Variants in ADGRG4 observed in about 807,000 individuals in gnomAD.
The protein encoded by ADGRG4 is G protein-coupled receptor 112.
ADGRG4 carries 122 observed loss-of-function variants against 126.2 expected under a neutral mutation model. The ratio of observed to expected loss-of-function variants is 0.97; its 90% CI spans 0.83 to 1.12. The LOEUF (loss-of-function observed/expected upper bound fraction) is 1.12. Ranked by LOEUF, ADGRG4 falls within the 50% of genes most tolerant of loss-of-function variation. The probability of loss-of-function intolerance (pLI) is 0.00; values close to 1 mark genes in which losing one functional copy is unlikely to be tolerated. For synonymous variants in ADGRG4, 943 were observed against 838.7 expected, an observed-to-expected ratio of 1.12 and a Z score of -2.15; for missense variants, 2,481 against 2,251.8, an observed-to-expected ratio of 1.10 and a Z score of -2.06.
chrX:136,315,029 G>C (rs748529281), intron 4 of ADGRG4, among the ~76,000 whole-genome samples: 1 of 111,473 alleles, frequency 9.0e-6, no homozygotes. Context: ...AGCAGCCTAG[G>C]TACTAGAGGA....
intron 15 of ADGRG4, among the ~76,000 whole-genome samples, chrX:136,383,547 G>A (rs1289879150): frequency 8.9e-6 from 1 of 111,737 alleles, no homozygotes; most frequent in African/African-American, 3.2e-5. Flanking sequence ...TATTTAAAGT[G>A]TACCTCTTGT....
At position 136,348,037 on chromosome X, in the gene ADGRG4, C is replaced by T. The variant is rs773652838; in HGVS notation, c.4331C>T (p.Thr1444Ile). The T allele has an allele frequency of 8.3e-7, 1 of 1,209,888 alleles. No homozygotes were observed. The highest frequency in any genetic ancestry group is 1.1e-6 in the Non-Finnish European group (1 of 893,839). ...TTTTCACACTTGCATTCACTTAGGA[C>T]ACAACCTGAGGTGACTTCAGTTGCC... ...TTFSHLHSLR[T>I]QPEVTSVASF... is the part of the protein sequence containing the mutation. The change falls in exon 6 of 26, where the codon ACA (threonine) becomes ATA (isoleucine). Residue 1444 changes from threonine to isoleucine, a missense_variant. Coordinates refer to ENST00000394143, the MANE Select transcript of ADGRG4 (RefSeq NM_153834.4).
intron 13 of ADGRG4, among the ~76,000 whole-genome samples, chrX:136,365,080 T>C (rs2148478227): frequency 8.9e-6 from 1 of 112,279 alleles, no homozygotes; most frequent in African/African-American, 3.2e-5. Flanking sequence ...CTTTTTGCGA[T>C]GTGATAAGCA....
intron 18 of ADGRG4, among the ~76,000 whole-genome samples, 175 bp downstream of exon 18, chrX:136,393,755 A>G (rs1428467587): frequency 1.8e-5 from 2 of 111,713 alleles, no homozygotes; most frequent in African/African-American, 3.3e-5. Context: ...AATTAAGACA[A>G]CTTTCCTTTT....
rs894286259 is a variant in ADGRG4 at position 136,375,941 on chromosome X, G to A, written c.7776+2877G>A. Among the ~76,000 whole-genome samples, 7 of 112,206 alleles carry A rather than the reference G, an allele frequency of 6.2e-5. No individual in the cohort carries two copies. In the Admixed American group the frequency reaches 6.6e-4, roughly 11 times the overall value. ...TTGTGCATTTGCTTTTGGGGTCTTA[G>A]TCATGAATTCTTTGCCTAGGCCAAT... On this transcript the variant is annotated intron_variant, in intron 15 of 25. Coordinates refer to ENST00000394143, the MANE Select transcript of ADGRG4 (RefSeq NM_153834.4).
Position 136,323,071 on chromosome X carries a change from A to G in ADGRG4, c.364A>G (p.Ile122Val), listed in dbSNP as rs746689970. The part of the protein sequence containing the change: ...HHLASFQWHT[I>V]CLIWDGVKGK... ...CCTGGCTTCATTTCAATGGCATACA[A>G]TATGCTTGATATGGGATGGTGTGAA... Residue 122 changes from isoleucine (I) to valine (V), a missense_variant, in exon 5 of 26, where the codon ATA (isoleucine) becomes GTA (valine). Transcript: ENST00000394143. 14 of 1,210,417 alleles carry G rather than the reference A, an allele frequency of 1.2e-5. No individual in the cohort carries two copies. Among genetic ancestry groups the G allele is most frequent in the Non-Finnish European group, 1.5e-5 (13 of 894,442 alleles).
At chrX:136,396,164 G>A (rs2075345714) in intron 19 of ADGRG4, among the ~76,000 whole-genome samples, 1 of 109,456 alleles carries the variant, frequency 9.1e-6, no homozygotes, top group Non-Finnish European at 1.9e-5. Flanking sequence ...ATTTAAGAAG[G>A]ATCATAAGTA....
chrX:136,404,553 C>T (rs1029506062), intron 22 of ADGRG4, among the ~76,000 whole-genome samples: 1 of 111,795 alleles, frequency 8.9e-6, no homozygotes, highest in Non-Finnish European at 1.9e-5. Context: ...ACCCAGTTTC[C>T]CTCCTGAGGT....
intron 8 of ADGRG4, 40 bp from the exon 9 acceptor site, chrX:136,356,086 T>A (rs1362033041): frequency 9.5e-7 from 1 of 1,049,451 alleles, no homozygotes; most frequent in Admixed American, 2.2e-5. Context: ...CTTGGTACTA[T>A]ATTTCATTTT....
intron 5 of ADGRG4, among the ~76,000 whole-genome samples, chrX:136,340,980 C>G (rs778597564): frequency 6.2e-5 from 7 of 112,108 alleles, no homozygotes; most frequent in Non-Finnish European, 1.9e-5. Flanking sequence ...AATATACAAA[C>G]CCAGGCTTTA....
intron 22 of ADGRG4, among the ~76,000 whole-genome samples, chrX:136,405,203 G>A (rs1359104641): frequency 9.0e-6 from 1 of 110,536 alleles, no homozygotes; most frequent in Non-Finnish European, 1.9e-5. Flanking sequence ...ATTGTTTGAT[G>A]TAGCTTTCAG....
chrX:136,319,697 TTCTATCTA>T (rs59139457), intron 4 of ADGRG4, among the ~76,000 whole-genome samples: 9,092 of 94,974 alleles, frequency 0.096, 363 homozygotes, highest in African/African-American at 0.1. Context: ...GCCACAGTGA[TTCTATCTA>T]TCTATCTATC....
chrX:136,334,978 A>G (rs2148458991), intron 5 of ADGRG4, among the ~76,000 whole-genome samples: 1 of 111,640 alleles, frequency 9.0e-6, no homozygotes, highest in African/African-American at 3.3e-5. Context: ...TCTTAGCTGG[A>G]AAACATTCAA....
chrX:136,399,369 T>C (rs2075367707), intron 20 of ADGRG4, among the ~76,000 whole-genome samples: 2 of 112,181 alleles, frequency 1.8e-5, no homozygotes, highest in African/African-American at 6.5e-5. Flanking sequence ...ACTTTTTTTA[T>C]TTTGAAAAAT....
chrX:136,372,471 T>C (rs1213018490), intron 14 of ADGRG4, among the ~76,000 whole-genome samples: 3 of 111,648 alleles, frequency 2.7e-5, no homozygotes, highest in Non-Finnish European at 3.8e-5. Context: ...TCTTTTAATG[T>C]ATATATCAGG....
At chrX:136,407,283 T>G (rs1277764432) in intron 23 of ADGRG4, among the ~76,000 whole-genome samples, 3 of 111,015 alleles carry the variant, frequency 2.7e-5, no homozygotes, top group African/African-American at 9.8e-5. Flanking sequence ...GCAAATTACA[T>G]TCCCCCTTTC....
chrX:136,310,582 A>G (rs1304742578), intron 4 of ADGRG4, among the ~76,000 whole-genome samples: 1 of 111,590 alleles, frequency 9.0e-6, no homozygotes, highest in Non-Finnish European at 1.9e-5. Flanking sequence ...CAGATGAGTC[A>G]CCAGCCTCCC....
In ADGRG4 at chrX:136,405,844, T is replaced by C; in HGVS notation, c.8807T>C (p.Leu2936Pro). 8.3e-7 allele frequency: 1 copy of C among 1,210,502 alleles called. No homozygotes were observed. Among genetic ancestry groups the C allele is most frequent in the Non-Finnish European group, 1.1e-6 (1 of 894,843 alleles). The change falls in exon 23 of 26, where the codon CTG becomes CCG. Residue 2936 changes from leucine to proline, a missense_variant. Leu to Pro is a moderately conservative substitution (Grantham distance 98). Transcript: ENST00000394143. The part of the protein sequence containing the change: ...QIQKTRRKMI[L>P]HDLKGTMSLT... ...CAGAAGACTCGGCGGAAGATGATCC[T>C]GCATGACCTCAAAGGCACAATGAGC...
At chrX:136,394,614 T>G (rs1397144702) in intron 18 of ADGRG4, among the ~76,000 whole-genome samples, 2 of 112,021 alleles carry the variant, frequency 1.8e-5, no homozygotes, top group African/African-American at 6.5e-5. Context: ...AATATGTTGA[T>G]CTCTATGTTC....
Sources: allele counts gnomAD v4.1 joint callset (sites outside exome capture counted in the v4.1 genomes callset), GRCh38; gene constraint gnomAD v4.1.1; transcripts MANE v1.5; gene names NCBI Gene and HGNC (gene_info 2026-07-23, HGNC 2026-07-21).